CTNNA2: variants seen among roughly 807,000 people sequenced by gnomAD.
The protein encoded by CTNNA2 is catenin alpha 2, also known as catenin alpha-2.
Under a neutral mutation model 101.0 loss-of-function variants are expected in CTNNA2, and 42 were observed. That is an observed-to-expected ratio of 0.42 (90% CI 0.32 to 0.54). The LOEUF (loss-of-function observed/expected upper bound fraction) is 0.54. Among genes scored for constraint, CTNNA2 ranks in the 20% least tolerant of loss-of-function variants. The probability of loss-of-function intolerance (pLI) is 0.14; values close to 1 mark genes in which losing one functional copy is unlikely to be tolerated. For synonymous variants in CTNNA2, 450 were observed against 456.4 expected, an observed-to-expected ratio of 0.99 and a Z score of 0.18; for missense variants, 871 against 1,223.1, an observed-to-expected ratio of 0.71 and a Z score of 4.29.
At chr2:80,405,299 A>C (rs903090816) in intron 8 of CTNNA2, among the ~76,000 whole-genome samples, 3 of 152,312 alleles carry the variant, frequency 2.0e-5, no homozygotes, top group Middle Eastern at 3.4e-3. Context: ...AGAGTATTGA[A>C]ATTCCAATAA....
At chr2:80,139,842 A>G (rs2148907755) in intron 7 of CTNNA2, among the ~76,000 whole-genome samples, 1 of 152,312 alleles carries the variant, frequency 6.6e-6, no homozygotes, top group Admixed American at 6.5e-5. Flanking sequence ...CTGTGAAGAA[A>G]GCATGTTTGC....
chr2:80,387,818 G>A (rs1015379157), intron 7 of CTNNA2, among the ~76,000 whole-genome samples: 40 of 152,144 alleles, frequency 2.6e-4, no homozygotes, highest in Non-Finnish European at 7.4e-5. Context: ...TTGTAAAATA[G>A]TTCTCAAAGA....
At chr2:79,582,866 T>A (rs1049822596) in intron 1 of CTNNA2, among the ~76,000 whole-genome samples, 1 of 152,170 alleles carries the variant, frequency 6.6e-6, no homozygotes, top group Non-Finnish European at 1.5e-5. Context: ...AATTTTCTCA[T>A]GCTTTTTTAA....
chr2:79,669,860 G>C (rs1682706157), intron 2 of CTNNA2, among the ~76,000 whole-genome samples: 1 of 152,170 alleles, frequency 6.6e-6, no homozygotes, highest in South Asian at 2.1e-4. Flanking sequence ...CATGCCCATT[G>C]GTCCATGGGC....
At chr2:80,254,599 A>T (rs1011726146) in intron 7 of CTNNA2, among the ~76,000 whole-genome samples, 1 of 152,160 alleles carries the variant, frequency 6.6e-6, no homozygotes, top group Non-Finnish European at 1.5e-5. Context: ...AAGAAGACAG[A>T]TGAGCACCTT....
chr2:79,677,658 C>T (rs1025886165), intron 2 of CTNNA2, among the ~76,000 whole-genome samples: 5 of 152,170 alleles, frequency 3.3e-5, no homozygotes, highest in African/African-American at 1.2e-4. Flanking sequence ...ATAAAATCAT[C>T]AAGCTTAGAG....
chr2:80,263,714 C>T (rs536695607), intron 7 of CTNNA2, among the ~76,000 whole-genome samples: 18 of 152,340 alleles, frequency 1.2e-4, no homozygotes, highest in African/African-American at 3.8e-4. Context: ...ATGTTCCTAA[C>T]GGCTACCATA....
intron 1 of CTNNA2, among the ~76,000 whole-genome samples, chr2:79,526,905 A>C (rs1672438546): frequency 6.6e-6 from 1 of 152,168 alleles, no homozygotes; most frequent in Non-Finnish European, 1.5e-5. Context: ...ATAGGTGTAA[A>C]TCTTAGTGAC....
intron 3 of CTNNA2, among the ~76,000 whole-genome samples, chr2:79,773,679 G>A (rs1673755146): frequency 2.6e-5 from 4 of 152,042 alleles, no homozygotes; most frequent in Admixed American, 2.6e-4. Context: ...TTCTTTCACA[G>A]TATCTTATGG....
intron 6 of CTNNA2, among the ~76,000 whole-genome samples, chr2:79,888,295 C>T (rs1470865531): frequency 6.6e-6 from 1 of 152,208 alleles, no homozygotes; most frequent in East Asian, 1.9e-4. Flanking sequence ...ACATAGTCTT[C>T]ACTGCTTCCT....
intron 3 of CTNNA2, among the ~76,000 whole-genome samples, chr2:79,365,506 G>A (rs1238965433): frequency 6.6e-6 from 1 of 151,444 alleles, no homozygotes; most frequent in Admixed American, 6.6e-5. Flanking sequence ...CATGCCTGTA[G>A]TCATAGCTAC....
At chr2:79,605,731 C>G (rs1056817415) in intron 1 of CTNNA2, among the ~76,000 whole-genome samples, 2 of 151,866 alleles carry the variant, frequency 1.3e-5, no homozygotes, top group African/African-American at 2.4e-5. Context: ...TTGTAAGACA[C>G]CATCTCTACA....
intron 1 of CTNNA2, chr2:79,195,763 G>A: frequency 4.1e-6 from 2 of 491,748 alleles, no homozygotes; most frequent in South Asian, 3.0e-5. Flanking sequence ...TGAAAAAGGA[G>A]CAAGTTTTAT....
intron 3 of CTNNA2, among the ~76,000 whole-genome samples, chr2:79,801,469 A>G (rs73941315): frequency 9.0e-4 from 137 of 152,314 alleles, no homozygotes; most frequent in African/African-American, 3.1e-3. Flanking sequence ...AGGCCCCTTG[A>G]CAAATGAAGG....
intron 7 of CTNNA2, among the ~76,000 whole-genome samples, chr2:80,270,310 A>G (rs527905386): frequency 6.6e-6 from 1 of 152,204 alleles, no homozygotes; most frequent in South Asian, 2.1e-4. Flanking sequence ...ATTTCTTTCC[A>G]ATATTTTGTA....
chr2:80,418,530 G>C (rs2094373456), intron 8 of CTNNA2, among the ~76,000 whole-genome samples: 1 of 152,156 alleles, frequency 6.6e-6, no homozygotes, highest in Non-Finnish European at 1.5e-5. Flanking sequence ...ATACGTTATA[G>C]TAATTCGTGC....
At chr2:80,509,294 C>T (rs115975704) in intron 9 of CTNNA2, among the ~76,000 whole-genome samples, 58 of 152,230 alleles carry the variant, frequency 3.8e-4, no homozygotes, top group African/African-American at 1.3e-3. Flanking sequence ...AAAGGTGCAG[C>T]GGTCTGGGTT....
intron 4 of CTNNA2, among the ~76,000 whole-genome samples, chr2:79,503,847 T>C (rs1671355249): frequency 6.6e-6 from 1 of 152,196 alleles, no homozygotes; most frequent in African/African-American, 2.4e-5. Context: ...GGGTCCTTAT[T>C]CTACTGAACC....
intron 3 of CTNNA2, among the ~76,000 whole-genome samples, chr2:79,342,677 A>T (rs1677164345): frequency 6.6e-6 from 1 of 152,184 alleles, no homozygotes; most frequent in African/African-American, 2.4e-5. Flanking sequence ...CGGGTACTTT[A>T]TTAAGATTGG....
Sources: allele counts gnomAD v4.1 joint callset (sites outside exome capture counted in the v4.1 genomes callset), GRCh38; gene constraint gnomAD v4.1.1; transcripts MANE v1.5; gene names NCBI Gene and HGNC (gene_info 2026-07-23, HGNC 2026-07-21).